The following DOK6 variants were observed in gnomAD, a reference collection of about 807,000 sequenced individuals.
DOK6 encodes the protein docking protein 6.
Under a neutral mutation model 44.0 loss-of-function variants are expected in DOK6, and 22 were observed. The ratio of observed to expected loss-of-function variants is 0.50; its 90% CI spans 0.36 to 0.71. DOK6 has a LOEUF of 0.71. DOK6 is among the 30% of genes least tolerant of loss of function. The pLI, the probability that DOK6 is intolerant of heterozygous loss-of-function variation, is 0.00. For missense variants in DOK6, 340 were observed against 416.4 expected, an observed-to-expected ratio of 0.82 and a Z score of 1.60; for synonymous variants, 166 against 145.5, an observed-to-expected ratio of 1.14 and a Z score of -1.01.
chr18:69,721,232 T>C (rs1469813960), intron 5 of DOK6: 3 of 152,216 alleles, frequency 2.0e-5, no homozygotes, highest in African/African-American at 7.2e-5. Flanking sequence ...TTTCTCCTAC[T>C]AACATATGTG....
intron 1 of DOK6, among the ~76,000 whole-genome samples, chr18:69,401,976 G>C (rs192883867): frequency 6.6e-6 from 1 of 152,204 alleles, no homozygotes; most frequent in Non-Finnish European, 1.5e-5. Flanking sequence ...GAGATGCGCT[G>C]CCTGGCTTGG....
intron 5 of DOK6, among the ~76,000 whole-genome samples, chr18:69,708,698 C>T (rs1238978188): frequency 6.8e-6 from 1 of 147,094 alleles, no homozygotes; most frequent in Non-Finnish European, 1.5e-5. Context: ...GCAGAAGAAT[C>T]ATTTGAACCC....
intron 1 of DOK6, among the ~76,000 whole-genome samples, chr18:69,470,845 A>T (rs779009741): frequency 1.3e-5 from 2 of 152,222 alleles, no homozygotes; most frequent in African/African-American, 2.4e-5. Flanking sequence ...GGTGCTGGGG[A>T]TAAAGCAGTC....
At chr18:69,455,730 A>G (rs901786824) in intron 1 of DOK6, among the ~76,000 whole-genome samples, 1 of 152,218 alleles carries the variant, frequency 6.6e-6, no homozygotes, top group East Asian at 1.9e-4. Flanking sequence ...TAAATGCCAC[A>G]GCATAAAATG....
chr18:69,483,377 T>C (rs997863487), intron 1 of DOK6, among the ~76,000 whole-genome samples: 1 of 152,016 alleles, frequency 6.6e-6, no homozygotes, highest in African/African-American at 2.4e-5. Context: ...TCATTCACAA[T>C]TGCCATAAAA....
chr18:69,536,593 C>T (rs1436433129), intron 1 of DOK6, among the ~76,000 whole-genome samples: 1 of 152,030 alleles, frequency 6.6e-6, no homozygotes, highest in East Asian at 1.9e-4. Flanking sequence ...ATCTTTCTAT[C>T]TTTTCTAAAC....
intron 4 of DOK6, among the ~76,000 whole-genome samples, chr18:69,680,041 A>G (rs1222479258): frequency 1.3e-5 from 2 of 152,224 alleles, no homozygotes; most frequent in Non-Finnish European, 2.9e-5. Flanking sequence ...TTATATCACC[A>G]GTGCTATAAA....
chr18:69,491,163 T>C (rs1196718527), intron 1 of DOK6, among the ~76,000 whole-genome samples: 2 of 152,264 alleles, frequency 1.3e-5, no homozygotes, highest in Admixed American at 1.3e-4. Context: ...ATTCAGTAAG[T>C]GTTATCTATT....
At chr18:69,706,525 T>A (rs61116954) in intron 5 of DOK6, among the ~76,000 whole-genome samples, 115,102 of 151,456 alleles carry the variant, frequency 0.76, 44,112 homozygotes, top group East Asian at 0.98. Flanking sequence ...TTTTTTTTTT[T>A]AATTTTATTA....
intron 2 of DOK6, among the ~76,000 whole-genome samples, chr18:69,566,232 G>C (rs367824898): frequency 6.6e-6 from 1 of 151,780 alleles, no homozygotes; most frequent in African/African-American, 2.4e-5. Flanking sequence ...CCGCCTTCGG[G>C]TTCACACCAT....
At chr18:69,647,044 G>GTCTATCCTA (rs1568321141) in intron 3 of DOK6, among the ~76,000 whole-genome samples, 3 of 58,048 alleles carry the variant, frequency 5.2e-5, no homozygotes, top group Non-Finnish European at 9.9e-5. Context: ...TGTCTATCCT[G>GTCTATCCTA]TCTATCTGTC....
chr18:69,586,850 A>G (rs1254685437), intron 2 of DOK6, among the ~76,000 whole-genome samples: 3 of 152,140 alleles, frequency 2.0e-5, no homozygotes, highest in African/African-American at 7.2e-5. Flanking sequence ...CTGCCCATCA[A>G]TCACCTGCCC....
chr18:69,765,731 AC>A (rs1009500805), intron 7 of DOK6, among the ~76,000 whole-genome samples: 5 of 152,112 alleles, frequency 3.3e-5, no homozygotes, highest in Non-Finnish European at 7.4e-5. Flanking sequence ...AGTCAAATAT[AC>A]CGGAGTTTGA....
At chr18:69,659,586 C>T in intron 3 of DOK6, among the ~76,000 whole-genome samples, 1 of 152,016 alleles carries the variant, frequency 6.6e-6, no homozygotes, top group South Asian at 2.1e-4. Flanking sequence ...GCAAACAGGT[C>T]GTTAAATGCA....
At chr18:69,545,784 G>A (rs1193161729) in intron 1 of DOK6, among the ~76,000 whole-genome samples, 1 of 151,144 alleles carries the variant, frequency 6.6e-6, no homozygotes, top group African/African-American at 2.4e-5. Flanking sequence ...TAAATAGATG[G>A]CAGTATTCAC....
At chr18:69,528,992 C>T (rs1455082984) in intron 1 of DOK6, among the ~76,000 whole-genome samples, 2 of 152,150 alleles carry the variant, frequency 1.3e-5, no homozygotes, top group East Asian at 1.9e-4. Context: ...TTCTAGAATT[C>T]CAGCCCTTTT....
chr18:69,553,764 T>C (rs1323168867), intron 1 of DOK6, among the ~76,000 whole-genome samples: 1 of 152,194 alleles, frequency 6.6e-6, no homozygotes, highest in Non-Finnish European at 1.5e-5. Context: ...GTCATTTACT[T>C]ATTTCTTTTA....
chr18:69,696,543 T>G (rs12958888), intron 4 of DOK6, among the ~76,000 whole-genome samples: 7,134 of 152,080 alleles, frequency 0.047, 368 homozygotes, highest in African/African-American at 0.13. Context: ...AAGAAATGTT[T>G]TACTTTCCGT....
chr18:69,757,907 C>CA (rs1287830605), intron 7 of DOK6, 34 bp downstream of exon 7: 4 of 1,552,676 alleles, frequency 2.6e-6, no homozygotes, highest in Non-Finnish European at 3.6e-6. Context: ...GCAGTGCCTC[C>CA]ATAAGCTTCC....
Sources: gnomAD v4.1 joint callset for allele counts (sites outside exome capture counted in the v4.1 genomes callset) on GRCh38, gnomAD v4.1.1 for gene constraint, MANE v1.5 for transcripts, NCBI Gene and HGNC (gene_info 2026-07-23, HGNC 2026-07-21) for gene names.